DOCK2: variants seen among roughly 807,000 people sequenced by gnomAD.
DOCK2 encodes the protein dedicator of cytokinesis 2.
Under a neutral mutation model 248.9 loss-of-function variants are expected in DOCK2, and 87 were observed. The observed-to-expected ratio is 0.35, with a 90% CI of 0.29 to 0.42. The LOEUF is 0.42. DOCK2 is among the 10% of genes least tolerant of loss of function. The pLI, the probability that DOCK2 is intolerant of heterozygous loss-of-function variation, is 1.00. For synonymous variants in DOCK2, 805 were observed against 821.6 expected (o/e 0.98, Z 0.35); for missense variants, 1,747 against 2,300.2 (o/e 0.76, Z 4.92).
chr5:169,951,370 A>G (rs1303273003), intron 27 of DOCK2, among the ~76,000 whole-genome samples: 2 of 152,180 alleles, frequency 1.3e-5, no homozygotes, highest in Non-Finnish European at 2.9e-5. Context: ...CTTCCAAATA[A>G]CACAACACAT....
intron 27 of DOCK2, among the ~76,000 whole-genome samples, chr5:169,870,648 A>G (rs880608): frequency 0.35 from 52,777 of 151,864 alleles, 10,517 homozygotes; most frequent in Non-Finnish European, 0.44. Context: ...ACATGTGCAC[A>G]ATGTGCAGGT....
In DOCK2 at chr5:169,700,006, C is replaced by T; in HGVS notation, c.1133-8C>T. 2 of 1,613,384 alleles carry T rather than the reference C, an allele frequency of 1.2e-6. No individual in the cohort carries two copies. Among genetic ancestry groups the T allele is most frequent in the African/African-American group, 1.3e-5 (1 of 75,020 alleles). On this transcript the variant is annotated splice_polypyrimidine_tract_variant and splice_region_variant and intron_variant, in intron 12 of 51. Coordinates refer to ENST00000520908, the MANE Select transcript of DOCK2 (RefSeq NM_004946.3). ...GTGGGCTCTTCACGGTGAGCTGTTC[C>T]TTTGCAGGCCTCTGGGTGACCATGA...
chr5:170,036,453 C>A, intron 35 of DOCK2, 62 bp from the exon 36 acceptor site: 2 of 1,540,294 alleles, frequency 1.3e-6, no homozygotes, highest in African/African-American at 1.4e-5. Flanking sequence ...CATCACCACA[C>A]CCTTGACCGC....
At chr5:169,839,593 C>T (rs913512158) in intron 26 of DOCK2, among the ~76,000 whole-genome samples, 7 of 152,272 alleles carry the variant, frequency 4.6e-5, no homozygotes, top group Middle Eastern at 3.4e-3. Context: ...AAACCCTTGC[C>T]GACTACAACA....
At chr5:169,826,646 C>G (rs1395915390) in intron 26 of DOCK2, among the ~76,000 whole-genome samples, 1 of 152,116 alleles carries the variant, frequency 6.6e-6, no homozygotes, top group African/African-American at 2.4e-5. Context: ...AGACTTGATA[C>G]AGTTTCAAGG....
chr5:169,986,188 G>A (rs1457629116), intron 29 of DOCK2, among the ~76,000 whole-genome samples: 1 of 152,112 alleles, frequency 6.6e-6, no homozygotes, highest in Non-Finnish European at 1.5e-5. Flanking sequence ...CTTGGGACAG[G>A]AGATCTTAGA....
At chr5:169,714,987 A>G (rs1279937871) in intron 19 of DOCK2, among the ~76,000 whole-genome samples, 1 of 152,150 alleles carries the variant, frequency 6.6e-6, no homozygotes, top group Non-Finnish European at 1.5e-5. Context: ...ATACATATAT[A>G]TATAGTAGTA....
intron 7 of DOCK2, among the ~76,000 whole-genome samples, chr5:169,682,132 G>A (rs1289729129): frequency 6.6e-6 from 1 of 152,148 alleles, no homozygotes; most frequent in Non-Finnish European, 1.5e-5. Context: ...TTCCAGAAGG[G>A]GAAAAGAAGA....
chr5:169,716,389 G>A, intron 20 of DOCK2, 87 bp downstream of exon 20: 5 of 1,305,468 alleles, frequency 3.8e-6, no homozygotes, highest in East Asian at 2.4e-5. Context: ...GGCCCTCATG[G>A]CCCTCATGGC....
At chr5:170,048,646 T>G (rs977067974) in intron 40 of DOCK2, among the ~76,000 whole-genome samples, 1 of 152,130 alleles carries the variant, frequency 6.6e-6, no homozygotes, top group Non-Finnish European at 1.5e-5. Context: ...CGTACACTCA[T>G]GGGAGAATGA....
At chr5:170,018,815 C>T in intron 32 of DOCK2, 145 bp from the exon 33 acceptor site, 1 of 1,066,958 alleles carries the variant, frequency 9.4e-7, no homozygotes. Context: ...CAAAACGGTG[C>T]CTGGCTCATG....
Position 169,800,944 on chromosome 5 carries a change from CTTTTTTTTTTT to C in DOCK2, c.2555-2095_2555-2085del, listed in dbSNP as rs60140740. Among the ~76,000 whole-genome samples the C allele has an allele frequency of 1.4e-3, 72 of 53,194 alleles. 1 individual carries two copies. Among genetic ancestry groups the C allele is most frequent in the Middle Eastern group, 0.01 (1 of 100 alleles). 34.9% of individuals were successfully genotyped at this position (53,194 alleles called of 152,430 possible). A position where few individuals can be genotyped will look rare whatever the true frequency, so the allele number is the denominator to read the frequency against. ...TTTTTCTTTTTTCTTTTCTTTCTTTCTTTTTTTTTTTTTTTTTTTTTTTTTTTTTGAGATGG... is the reference window on the plus strand; with the variant it reads ...TTTTTCTTTTTTCTTTTCTTTCTTTCTTTTTTTTTTTTTTTTTTGAGATGG... On this transcript the variant is annotated intron_variant, in intron 25 of 51. Coordinates refer to ENST00000520908, the MANE Select transcript of DOCK2 (RefSeq NM_004946.3).
intron 23 of DOCK2, among the ~76,000 whole-genome samples, chr5:169,759,302 T>C (rs2113732449): frequency 6.6e-6 from 1 of 152,370 alleles, no homozygotes; most frequent in South Asian, 2.1e-4. Context: ...CTCTGTTGGA[T>C]GCCTCACATA....
intron 46 of DOCK2, chr5:170,075,710 C>G (rs952838044): frequency 6.2e-6 from 3 of 482,946 alleles, no homozygotes; most frequent in Non-Finnish European, 1.1e-5. Context: ...GGGAGTCCAG[C>G]CCTCCTATGA....
chr5:169,873,019 C>G (rs1036564695), intron 27 of DOCK2, among the ~76,000 whole-genome samples: 2 of 152,170 alleles, frequency 1.3e-5, no homozygotes, highest in African/African-American at 4.8e-5. Flanking sequence ...TCGGATCACT[C>G]TGTGATCACC....
intron 27 of DOCK2, among the ~76,000 whole-genome samples, chr5:169,962,285 A>T (rs371311287): frequency 2.0e-5 from 3 of 152,276 alleles, no homozygotes; most frequent in African/African-American, 7.2e-5. Context: ...AGAGAAAAGG[A>T]GAGAGTCTGG....
intron 2 of DOCK2, among the ~76,000 whole-genome samples, chr5:169,655,185 G>A (rs1758033784): frequency 6.6e-6 from 1 of 152,232 alleles, no homozygotes; most frequent in East Asian, 1.9e-4. Context: ...CAAATGAGCT[G>A]CTGATCTGTT....
Position 170,055,370 on chromosome 5 carries a change from C to G in DOCK2, c.4279C>G (p.Pro1427Ala). ...TCCCAGGTTCAAGAATAAGCCAGTG[C>G]CTGACCAGATTATAAAGTAAGACTC... ...EHPRFKNKPVPDQIINFYKSN... is the reference protein window; with the variant it reads ...EHPRFKNKPVADQIINFYKSN... The change falls in exon 42 of 52, where the codon CCT becomes GCT. Residue 1427 changes from proline to alanine, a missense_variant. Physicochemically the swap from Pro to Ala is conservative, Grantham distance 27 (BLOSUM62 -1). Around this residue, in one of 4 missense-constraint regions of DOCK2, gnomAD observed 513 missense variants for 586.1 expected, o/e 0.88. Transcript: ENST00000520908. 1 of 1,614,016 alleles carries G rather than the reference C, an allele frequency of 6.2e-7. No individual in the cohort carries two copies. The highest frequency in any genetic ancestry group is 8.5e-7 in the Non-Finnish European group (1 of 1,179,868).
intron 23 of DOCK2, among the ~76,000 whole-genome samples, chr5:169,748,853 C>T (rs1161690384): frequency 6.6e-6 from 1 of 152,224 alleles, no homozygotes; most frequent in African/African-American, 2.4e-5. Context: ...TCATGCTTCA[C>T]ATATATTACT....
Sources: allele counts gnomAD v4.1 joint callset (sites outside exome capture counted in the v4.1 genomes callset), GRCh38; gene constraint gnomAD v4.1.1; regional missense constraint gnomAD v4.1.1; transcripts MANE v1.5; gene names NCBI Gene and HGNC (gene_info 2026-07-23, HGNC 2026-07-21).